The following CFAP54 variants were observed in gnomAD, a reference collection of about 807,000 sequenced individuals.
CFAP54 encodes the protein cilia and flagella associated protein 54.
Under a neutral mutation model 370.4 loss-of-function variants are expected in CFAP54, and 290 were observed. That is an observed-to-expected ratio of 0.78 (90% confidence interval 0.71 to 0.86). The LOEUF (loss-of-function observed/expected upper bound fraction) is 0.86. Ranked by LOEUF, CFAP54 falls within the 40% of genes least tolerant of loss-of-function variation. The pLI, the probability that CFAP54 is intolerant of heterozygous loss-of-function variation, is 0.00. For missense variants in CFAP54, 3,399 were observed against 3,528.7 expected, an observed-to-expected ratio of 0.96 and a Z score of 0.93; for synonymous variants, 1,206 against 1,236.5, an observed-to-expected ratio of 0.98 and a Z score of 0.52.
At chr12:96,758,535 T>G (rs1958293000) in intron 58 of CFAP54, among the ~76,000 whole-genome samples, 1 of 152,112 alleles carries the variant, frequency 6.6e-6, no homozygotes, top group Non-Finnish European at 1.5e-5. Context: ...GTGTGGGAAT[T>G]TGGGGAGCTA....
Position 96,580,933 on chromosome 12 carries a change from G to A in CFAP54, c.2903G>A (p.Gly968Asp), listed in dbSNP as rs1013997868. The change falls in exon 22 of 68, where the codon GGT becomes GAT. Residue 968 changes from glycine to aspartate, a missense_variant. By Grantham distance (94) the Gly-to-Asp change is moderately conservative (BLOSUM62 -1). Around this residue, in one of 3 missense-constraint regions of CFAP54, gnomAD observed 2,796 missense variants for 2,869.7 expected, o/e 0.97. Coordinates refer to ENST00000524981, the MANE Select transcript of CFAP54 (RefSeq NM_001306084.2). The stretch of plus-strand genomic sequence containing the variant: ...TTTTCTTAATAGATACCAGCTGACG[G>A]TAAAAGTGTTTTTGAAGTGAAAGGT... Reference protein sequence around the residue: ...PNSGEAIPADGKSVFEVKGLE... With the variant: ...PNSGEAIPADDKSVFEVKGLE... The A allele has an allele frequency of 3.3e-6, 5 of 1,506,880 alleles. No individual in the cohort carries two copies. The African/African-American group carries it at 5.6e-5, about 17-fold the overall frequency. 93.3% of individuals were successfully genotyped at this position (1,506,880 alleles called of 1,614,324 possible). A position where few individuals can be genotyped will look rare whatever the true frequency, so the allele number is the denominator to read the frequency against.
chr12:96,778,975 G>A (rs933930745), intron 60 of CFAP54, among the ~76,000 whole-genome samples: 1 of 151,926 alleles, frequency 6.6e-6, no homozygotes, highest in African/African-American at 2.4e-5. Context: ...AGGCGTGGGG[G>A]CAGGCACCTG....
rs932205531 is a variant in CFAP54, at chr12:96,708,772, C to T, written c.6693C>T (p.Asn2231=). The change falls in exon 48 of 68, where the codon AAC becomes AAT. Residue 2231 remains asparagine (N), a synonymous_variant. Coordinates refer to ENST00000524981, the MANE Select transcript of CFAP54 (RefSeq NM_001306084.2). ...ATAAATTTAAGACAGTAATTACCAA[C>T]AAGAGCAAACCAAACCTACCAAACT... The part of the protein sequence containing the change: ...PENKFKTVIT[N]KSKPNLPNLE... 2.3e-5 allele frequency: 37 copies of T among 1,605,444 alleles called. No individual in the cohort carries two copies. The highest frequency in any genetic ancestry group is 3.1e-5 in the Non-Finnish European group (37 of 1,176,260).
At chr12:96,631,536 TAA>T (rs1266712258) in intron 32 of CFAP54, among the ~76,000 whole-genome samples, 2 of 151,436 alleles carry the variant, frequency 1.3e-5, no homozygotes, top group African/African-American at 4.8e-5. Flanking sequence ...CACTTATACG[TAA>T]GTCTACTTTA....
intron 33 of CFAP54, chr12:96,645,695 A>T (rs1956780392): frequency 6.5e-6 from 1 of 153,060 alleles, no homozygotes; most frequent in African/African-American, 2.4e-5. Flanking sequence ...CCTGACTTCA[A>T]ACTATACTAC....
chr12:96,791,524 T>C (rs1958693578), intron 62 of CFAP54, among the ~76,000 whole-genome samples: 1 of 152,198 alleles, frequency 6.6e-6, no homozygotes, highest in Non-Finnish European at 1.5e-5. Context: ...ATCAGCCACA[T>C]TCATTTAAGG....
intron 60 of CFAP54, among the ~76,000 whole-genome samples, chr12:96,768,518 T>A (rs767424085): frequency 6.6e-6 from 1 of 150,686 alleles, no homozygotes; most frequent in Non-Finnish European, 1.5e-5. Flanking sequence ...CCGGGTATGG[T>A]GGTGGGCGCC....
At chr12:96,855,778 C>T (rs929660671) in intron 66 of CFAP54, among the ~76,000 whole-genome samples, 1 of 152,168 alleles carries the variant, frequency 6.6e-6, no homozygotes, top group Non-Finnish European at 1.5e-5. Flanking sequence ...ACAGTGCAAG[C>T]CGTCAGTGGA....
Position 96,787,511 on chromosome 12 carries a change from T to G in CFAP54, c.8679+613T>G, listed in dbSNP as rs570703901. Among the ~76,000 whole-genome samples, 5 of 152,332 alleles carry G rather than the reference T, an allele frequency of 3.3e-5. No homozygotes were observed. The South Asian group carries it at 1.0e-3, about 32-fold the overall frequency. ...GGAGATTTTTCAAAATTAAAGCTAC[T>G]AAAGTCTTGAATAGCAGTAGTTTGG... On this transcript the variant is annotated intron_variant, in intron 62 of 67. Transcript: ENST00000524981.
chr12:96,657,165 A>C (rs181068420), intron 36 of CFAP54, among the ~76,000 whole-genome samples: 5 of 152,286 alleles, frequency 3.3e-5, no homozygotes, highest in Admixed American at 3.3e-4. Flanking sequence ...TTTGGGCTAT[A>C]ATCTGGCCCT....
At chr12:96,769,552 T>C (rs753639309) in intron 60 of CFAP54, among the ~76,000 whole-genome samples, 9 of 152,236 alleles carry the variant, frequency 5.9e-5, no homozygotes, top group Non-Finnish European at 1.2e-4. Flanking sequence ...GGCTCCTTGC[T>C]GTGACCACTG....
Position 96,650,047 on chromosome 12 carries a change from T to A in CFAP54, c.4847T>A (p.Ile1616Asn). 1.2e-6 allele frequency: 2 copies of A among 1,612,508 alleles called. No homozygotes were observed. The highest frequency in any genetic ancestry group is 2.2e-5 in the South Asian group (2 of 90,490). Reference protein sequence around the residue: ...NLCVMDHFMKIFLYCRRAMVL... With the variant: ...NLCVMDHFMKNFLYCRRAMVL... ...TGTGTAATGGATCATTTTATGAAAA[T>A]CTTTTTATACTGCAGGAGAGCAATG... is the stretch of plus-strand genomic sequence containing the variant. Residue 1616 changes from isoleucine (I) to asparagine (N), a missense_variant, in exon 35 of 68, where the codon ATC becomes AAC. By Grantham distance (149) the Ile-to-Asn change is moderately radical (BLOSUM62 -3). This residue lies in a region of CFAP54 where 2,796 missense variants were observed against 2,869.7 expected (regional missense o/e 0.97). Coordinates refer to ENST00000524981, the MANE Select transcript of CFAP54 (RefSeq NM_001306084.2).
chr12:96,823,253 G>A (rs1959052939), intron 65 of CFAP54, among the ~76,000 whole-genome samples: 1 of 152,090 alleles, frequency 6.6e-6, no homozygotes, highest in Admixed American at 6.6e-5. Flanking sequence ...ATGTTTCCTT[G>A]CATCCCCAAA....
chr12:96,615,951 G>T (rs1956412186), intron 26 of CFAP54, among the ~76,000 whole-genome samples: 1 of 152,356 alleles, frequency 6.6e-6, no homozygotes, highest in African/African-American at 2.4e-5. Context: ...GGAAGACAGT[G>T]TGGCGATTCC....
intron 8 of CFAP54, among the ~76,000 whole-genome samples, chr12:96,524,130 T>C (rs1955349690): frequency 6.6e-6 from 1 of 152,188 alleles, no homozygotes; most frequent in Admixed American, 6.5e-5. Context: ...TGGGTTTGTA[T>C]GTAAGTTGTT....
Position 96,744,077 on chromosome 12 carries a change from C to T in CFAP54, c.7615C>T (p.Pro2539Ser). 2 of 1,609,926 alleles carry T rather than the reference C, an allele frequency of 1.2e-6. No individual in the cohort carries two copies. The highest frequency in any genetic ancestry group is 1.7e-6 in the Non-Finnish European group (2 of 1,177,214). ...FRSSNTKYAN[P>S]LQPLKNIYLP... Reference sequence around the variant, plus strand: ...TTCATCAAACACTAAATATGCAAATCCATTACAGCCTTTGAAAAATATCTA... The same window carrying T: ...TTCATCAAACACTAAATATGCAAATTCATTACAGCCTTTGAAAAATATCTA... The change falls in exon 55 of 68, where the codon CCA becomes TCA. Residue 2539 changes from proline (P) to serine (S), a missense_variant. Coordinates refer to ENST00000524981, the MANE Select transcript of CFAP54 (RefSeq NM_001306084.2).
chr12:96,724,746 TG>T (rs1957808519), intron 50 of CFAP54, among the ~76,000 whole-genome samples: 1 of 152,256 alleles, frequency 6.6e-6, no homozygotes, highest in African/African-American at 2.4e-5. Flanking sequence ...ATGAAGTCCT[TG>T]CCCATGCCTA....
At position 96,698,383 on chromosome 12, in the gene CFAP54, T is replaced by G. The variant is rs369868344; in HGVS notation, c.6352-1588T>G. Among the ~76,000 whole-genome samples the G allele has an allele frequency of 9.2e-5, 14 of 152,196 alleles. 1 individual carries two copies. The highest frequency in any genetic ancestry group is 7.9e-4 in the Admixed American group (12 of 15,268). ...CATTAATTATGGATAAGAAAATTGT[T>G]CATTGTAGCACTATTCACAATAGCA... On this transcript the variant is annotated intron_variant, in intron 45 of 67. Coordinates refer to ENST00000524981, the MANE Select transcript of CFAP54 (RefSeq NM_001306084.2).
intron 60 of CFAP54, 195 bp downstream of exon 60, chr12:96,765,413 C>G (rs1185678097): frequency 3.0e-6 from 1 of 333,358 alleles, no homozygotes; most frequent in Non-Finnish European, 5.0e-6. Flanking sequence ...ACCTGTTACT[C>G]AGTCAGCTGC....
Sources: gnomAD v4.1 joint callset for allele counts (sites outside exome capture counted in the v4.1 genomes callset) on GRCh38, gnomAD v4.1.1 for gene constraint, gnomAD v4.1.1 regional missense constraint, MANE v1.5 for transcripts, NCBI Gene and HGNC (gene_info 2026-07-23, HGNC 2026-07-21) for gene names.